DYNC1I1: variants seen among roughly 807,000 people sequenced by gnomAD.
DYNC1I1 encodes cytoplasmic dynein 1 intermediate chain 1.
A neutral mutation model predicts 86.6 loss-of-function variants in DYNC1I1; 43 were observed. That is an observed-to-expected ratio of 0.50 (90% CI 0.39 to 0.64). The LOEUF (loss-of-function observed/expected upper bound fraction) is 0.64, where lower values mean the gene tolerates loss of function less well. Ranked by LOEUF, DYNC1I1 falls within the 30% of genes least tolerant of loss-of-function variation. The probability of loss-of-function intolerance (pLI) is 0.00; values close to 1 mark genes in which losing one functional copy is unlikely to be tolerated. For missense variants in DYNC1I1, 604 were observed against 788.8 expected, an observed-to-expected ratio of 0.77 and a Z score of 2.81; for synonymous variants, 262 against 283.7, an observed-to-expected ratio of 0.92 and a Z score of 0.77.
At chr7:95,820,925 TG>T (rs778462598) in intron 4 of DYNC1I1, among the ~76,000 whole-genome samples, 1 of 152,224 alleles carries the variant, frequency 6.6e-6, no homozygotes, top group Non-Finnish European at 1.5e-5. Context: ...TTCTTCAGTA[TG>T]GAAGTGAGTC....
At chr7:96,104,860 T>C (rs1296423972) in intron 16 of DYNC1I1, among the ~76,000 whole-genome samples, 5 of 152,134 alleles carry the variant, frequency 3.3e-5, no homozygotes, top group African/African-American at 1.2e-4. Context: ...TTCTAGGTCT[T>C]TTGTGTTTGC....
At chr7:96,015,441 C>T (rs1220459171) in intron 10 of DYNC1I1, among the ~76,000 whole-genome samples, 2 of 152,068 alleles carry the variant, frequency 1.3e-5, no homozygotes, top group South Asian at 2.1e-4. Flanking sequence ...ATGTGTACAT[C>T]CTACGTCTTA....
chr7:96,039,730 A>G (rs984060384), intron 14 of DYNC1I1, among the ~76,000 whole-genome samples: 3 of 151,788 alleles, frequency 2.0e-5, no homozygotes, highest in Admixed American at 2.0e-4. Context: ...CACTGCCTGC[A>G]CCTCAGTCCC....
At chr7:95,981,508 TC>T (rs1364085435) in intron 7 of DYNC1I1, among the ~76,000 whole-genome samples, 1 of 152,130 alleles carries the variant, frequency 6.6e-6, no homozygotes, top group Non-Finnish European at 1.5e-5. Context: ...CTGTAAAATT[TC>T]TTTCATACAT....
chr7:96,034,431 A>G (rs544805618), intron 12 of DYNC1I1, among the ~76,000 whole-genome samples: 1 of 152,306 alleles, frequency 6.6e-6, no homozygotes, highest in African/African-American at 2.4e-5. Flanking sequence ...CGTTTGTATT[A>G]GTTTTAGCAT....
At chr7:96,062,566 C>G (rs1789813833) in intron 14 of DYNC1I1, among the ~76,000 whole-genome samples, 1 of 152,062 alleles carries the variant, frequency 6.6e-6, no homozygotes, top group South Asian at 2.1e-4. Flanking sequence ...ACATATTCTT[C>G]TGATCTTCTG....
intron 10 of DYNC1I1, among the ~76,000 whole-genome samples, chr7:95,997,218 TA>T (rs532426174): frequency 2.0e-4 from 30 of 152,244 alleles, no homozygotes; most frequent in East Asian, 1.2e-3. Context: ...TTTTTTCTTT[TA>T]TTTTTTTTAA....
chr7:96,082,120 C>T (rs1244247806), intron 16 of DYNC1I1, among the ~76,000 whole-genome samples: 3 of 152,012 alleles, frequency 2.0e-5, no homozygotes, highest in Non-Finnish European at 4.4e-5. Flanking sequence ...TCGGAAATAC[C>T]GCCAGTAGTG....
chr7:96,055,191 TAG>T (rs1232338837), intron 14 of DYNC1I1, among the ~76,000 whole-genome samples: 1 of 152,086 alleles, frequency 6.6e-6, no homozygotes, highest in Non-Finnish European at 1.5e-5. Context: ...TATGGCTAGC[TAG>T]TTTTCCCAAC....
At chr7:95,914,263 C>T (rs1791412136) in intron 6 of DYNC1I1, among the ~76,000 whole-genome samples, 1 of 152,228 alleles carries the variant, frequency 6.6e-6, no homozygotes, top group Non-Finnish European at 1.5e-5. Context: ...GGGCTGCTTT[C>T]TTGTCCATGG....
intron 16 of DYNC1I1, among the ~76,000 whole-genome samples, chr7:96,084,671 C>T (rs1790627127): frequency 6.6e-6 from 1 of 152,024 alleles, no homozygotes; most frequent in South Asian, 2.1e-4. Context: ...GATCCACTCG[C>T]CTCGGCCTCC....
intron 10 of DYNC1I1, among the ~76,000 whole-genome samples, chr7:96,026,422 GT>G (rs200343269): frequency 8.5e-4 from 127 of 150,194 alleles, no homozygotes; most frequent in African/African-American, 2.6e-3. Flanking sequence ...GAGGTCATAG[GT>G]TTTTTTTTGG....
At chr7:95,954,052 C>T (rs1037687634) in intron 6 of DYNC1I1, among the ~76,000 whole-genome samples, 3 of 151,778 alleles carry the variant, frequency 2.0e-5, no homozygotes, top group African/African-American at 4.8e-5. Context: ...GCCCTGTGAA[C>T]GCTGAAAGAA....
chr7:95,810,241 T>C (rs933971266), intron 2 of DYNC1I1, 151 bp from the exon 3 acceptor site: 36 of 470,092 alleles, frequency 7.7e-5, no homozygotes, highest in African/African-American at 1.4e-4. Flanking sequence ...GGGGCAATTA[T>C]GGTGTTTATT....
intron 6 of DYNC1I1, among the ~76,000 whole-genome samples, chr7:95,964,507 T>C (rs1014789485): frequency 6.6e-6 from 1 of 152,156 alleles, no homozygotes; most frequent in African/African-American, 2.4e-5. Context: ...CAAACATTCA[T>C]TGCCATCTCC....
chr7:95,852,506 T>TTTA (rs958247645), intron 5 of DYNC1I1, among the ~76,000 whole-genome samples: 10 of 152,094 alleles, frequency 6.6e-5, no homozygotes, highest in African/African-American at 2.4e-4. Context: ...CTCTAATTTA[T>TTTA]TTATTATTAT....
At chr7:95,774,414 A>AC (rs1177975723) in intron 1 of DYNC1I1, among the ~76,000 whole-genome samples, 1 of 151,676 alleles carries the variant, frequency 6.6e-6, no homozygotes, top group Non-Finnish European at 1.5e-5. Flanking sequence ...GTCCTTCCCC[A>AC]CCCCCAGCCT....
At chr7:95,813,407 A>G in intron 4 of DYNC1I1, 70 bp downstream of exon 4, 1 of 1,515,214 alleles carries the variant, frequency 6.6e-7, no homozygotes, top group Non-Finnish European at 8.9e-7. Flanking sequence ...CAACAACACC[A>G]CTGTTAGAAT....
At chr7:95,992,314 G>T (rs1348891335) in intron 9 of DYNC1I1, among the ~76,000 whole-genome samples, 1 of 152,158 alleles carries the variant, frequency 6.6e-6, no homozygotes. Flanking sequence ...GGGCATTCAT[G>T]TCACATATTT....
Sources: gnomAD v4.1 joint callset for allele counts (sites outside exome capture counted in the v4.1 genomes callset) on GRCh38, gnomAD v4.1.1 for gene constraint, MANE v1.5 for transcripts, NCBI Gene and HGNC (gene_info 2026-07-23, HGNC 2026-07-21) for gene names.